EYS: variants seen among roughly 807,000 people sequenced by gnomAD.
The protein encoded by EYS is EGF-like photoreceptor maintenance factor.
A neutral mutation model predicts 282.1 loss-of-function variants in EYS; 250 were observed. That is an observed-to-expected ratio of 0.89 (90% CI 0.80 to 0.98). The LOEUF is 0.98. EYS is among the 50% of genes least tolerant of loss of function. The pLI is 0.00. For synonymous variants in EYS, 1,355 were observed against 1,282.9 expected, an observed-to-expected ratio of 1.06 and a Z score of -1.20; for missense variants, 4,016 against 3,709.0, an observed-to-expected ratio of 1.08 and a Z score of -2.15.
At chr6:63,783,995 A>G (rs569861522) in intron 39 of EYS, among the ~76,000 whole-genome samples, 2 of 152,218 alleles carry the variant, frequency 1.3e-5, no homozygotes, top group African/African-American at 4.8e-5. Flanking sequence ...TAAATGGAAC[A>G]AAAAAGAGGG....
intron 2 of EYS, among the ~76,000 whole-genome samples, chr6:65,615,660 T>G (rs535931500): frequency 6.6e-6 from 1 of 152,088 alleles, no homozygotes; most frequent in Admixed American, 6.6e-5. Context: ...CTCAGCCAGG[T>G]GCGGTGGCTC....
At chr6:65,238,911 T>C (rs552988316) in intron 12 of EYS, among the ~76,000 whole-genome samples, 1 of 152,136 alleles carries the variant, frequency 6.6e-6, no homozygotes, top group Non-Finnish European at 1.5e-5. Flanking sequence ...ACATGATTAA[T>C]ATAAAATTAC....
At chr6:64,726,684 A>G (rs1269320213) in intron 22 of EYS, among the ~76,000 whole-genome samples, 1 of 152,194 alleles carries the variant, frequency 6.6e-6, no homozygotes, top group African/African-American at 2.4e-5. Flanking sequence ...CTATAACCCT[A>G]TTCAATGGAG....
chr6:63,735,533 C>T (rs979258691), intron 41 of EYS, among the ~76,000 whole-genome samples: 1 of 151,558 alleles, frequency 6.6e-6, no homozygotes, highest in African/African-American at 2.4e-5. Flanking sequence ...TATTATTAGA[C>T]CTTTTTCCCA....
rs1562221891 is a variant in EYS at position 65,495,305 on chromosome 6, G to T, written c.106C>A (p.Pro36Thr). 2.5e-6 allele frequency: 4 copies of T among 1,613,882 alleles called. No homozygotes were observed. Among genetic ancestry groups the T allele is most frequent in the Non-Finnish European group, 2.5e-6 (3 of 1,180,018 alleles). The change falls in exon 4 of 43, where the codon CCC becomes ACC. Residue 36 changes from proline (P) to threonine (T), a missense_variant. Transcript: ENST00000503581. ...RQLVEEWHPQ[P>T]SSYVVNWTLT... ...GTCCAATTTACCACATATGATGAGG[G>T]TTGTGGATGCCATTCTTCCACCAAT... is the stretch of plus-strand genomic sequence containing the variant.
intron 26 of EYS, among the ~76,000 whole-genome samples, chr6:64,480,646 C>A (rs567605836): frequency 5.7e-4 from 86 of 151,876 alleles, no homozygotes; most frequent in African/African-American, 2.0e-3. Flanking sequence ...TATTGAAATT[C>A]TCTGCTGTTT....
chr6:63,723,671 G>A (rs1282268003), intron 42 of EYS, among the ~76,000 whole-genome samples: 4 of 151,810 alleles, frequency 2.6e-5, no homozygotes, highest in African/African-American at 9.7e-5. Context: ...TTGACAAAAA[G>A]TTTTCTTTCT....
chr6:65,056,177 T>A (rs1291818157), intron 13 of EYS, among the ~76,000 whole-genome samples: 2 of 152,046 alleles, frequency 1.3e-5, no homozygotes, highest in Admixed American at 6.6e-5. Context: ...CTTTGATCAT[T>A]GGGAGCTCCT....
chr6:63,899,748 T>C (rs746795153), intron 35 of EYS, among the ~76,000 whole-genome samples: 3 of 152,210 alleles, frequency 2.0e-5, no homozygotes, highest in African/African-American at 4.8e-5. Context: ...TGCCTCTCCC[T>C]TGCTCAACTG....
chr6:63,790,582 C>G (rs759526429), intron 37 of EYS, among the ~76,000 whole-genome samples: 7 of 152,166 alleles, frequency 4.6e-5, no homozygotes, highest in Non-Finnish European at 1.0e-4. Flanking sequence ...TTCCCACCTG[C>G]AATGCTGCAT....
intron 11 of EYS, among the ~76,000 whole-genome samples, chr6:65,311,580 T>C (rs986100987): frequency 6.6e-6 from 1 of 152,196 alleles, no homozygotes; most frequent in African/African-American, 2.4e-5. Context: ...TAATATTTAA[T>C]ATTTAATTTG....
chr6:63,839,022 T>C (rs746327628), intron 36 of EYS, among the ~76,000 whole-genome samples: 3 of 152,226 alleles, frequency 2.0e-5, no homozygotes, highest in Non-Finnish European at 2.9e-5. Context: ...AATTGGGAAT[T>C]AGCATATTCA....
chr6:64,115,961 T>C (rs569034065), intron 31 of EYS, among the ~76,000 whole-genome samples: 12 of 152,100 alleles, frequency 7.9e-5, no homozygotes, highest in Middle Eastern at 3.4e-3. Flanking sequence ...CCTAATAAGC[T>C]CTTTAAGAAA....
chr6:65,188,728 G>C (rs1278015004), intron 12 of EYS, among the ~76,000 whole-genome samples: 5 of 138,820 alleles, frequency 3.6e-5, no homozygotes, highest in Non-Finnish European at 7.7e-5. Flanking sequence ...AGAAGTTAGA[G>C]TGATGCAGTG....
At chr6:64,990,673 AC>A (rs781068780) in intron 14 of EYS, among the ~76,000 whole-genome samples, 17 of 151,582 alleles carry the variant, frequency 1.1e-4, no homozygotes, top group Non-Finnish European at 2.1e-4. Flanking sequence ...CTATGTCTTC[AC>A]ATATTATTTA....
chr6:64,081,936 AC>A lies in EYS; in HGVS notation c.6490del (p.Val2164SerfsTer14), dbSNP rs1163089098. ...SYLELPFLKF[V>X]LEKEHNRTVT... ...AGTTCTGTTATGTTCCTTCTCCAGG[AC>A]AAACTTCAAAAAGGGCAGTTCTAAA... On this transcript the variant is annotated frameshift_variant, in exon 32 of 43. Transcript: ENST00000503581. LOFTEE classifies it high-confidence loss of function. The A allele has an allele frequency of 6.5e-7, 1 of 1,545,654 alleles. No homozygotes were observed. The highest frequency in any genetic ancestry group is 2.0e-5 in the Admixed American group (1 of 50,926).
chr6:64,762,494 T>C (rs954459008), intron 22 of EYS, among the ~76,000 whole-genome samples: 2 of 152,210 alleles, frequency 1.3e-5, no homozygotes, highest in African/African-American at 4.8e-5. Flanking sequence ...TAACAGGAAA[T>C]TGGGGCTTAT....
At chr6:65,664,335 G>A (rs757354585) in intron 1 of EYS, among the ~76,000 whole-genome samples, 5 of 152,050 alleles carry the variant, frequency 3.3e-5, no homozygotes, top group Non-Finnish European at 7.4e-5. Flanking sequence ...GGGTCATTAG[G>A]GTTCAAGAAG....
intron 30 of EYS, among the ~76,000 whole-genome samples, chr6:64,251,871 A>T (rs1314307847): frequency 6.6e-6 from 1 of 152,168 alleles, no homozygotes; most frequent in Non-Finnish European, 1.5e-5. Context: ...TTAAGTCTGT[A>T]TCAAGAATTT....
Sources: allele counts gnomAD v4.1 joint callset (sites outside exome capture counted in the v4.1 genomes callset), GRCh38; gene constraint gnomAD v4.1.1; transcripts MANE v1.5; gene names NCBI Gene and HGNC (gene_info 2026-07-23, HGNC 2026-07-21).